Variants in ZNF385D observed in about 807,000 individuals in gnomAD.
ZNF385D encodes zinc finger protein 659.
ZNF385D carries 15 observed loss-of-function variants against 35.8 expected under a neutral mutation model. That is an observed-to-expected ratio of 0.42 (90% CI 0.28 to 0.64). The LOEUF (loss-of-function observed/expected upper bound fraction) is 0.64. ZNF385D is among the 30% of genes least tolerant of loss of function. The probability of loss-of-function intolerance (pLI) is 0.23; values close to 1 mark genes in which losing one functional copy is unlikely to be tolerated. For synonymous variants in ZNF385D, 212 were observed against 186.8 expected (o/e 1.13, Z -1.10); for missense variants, 474 against 494.6 (o/e 0.96, Z 0.39).
intron 2 of ZNF385D, among the ~76,000 whole-genome samples, chr3:22,315,207 C>A (rs1378171891): frequency 6.6e-6 from 1 of 152,172 alleles, no homozygotes; most frequent in East Asian, 1.9e-4. Context: ...GAAGCCACAG[C>A]ATCTTAGTAG....
At chr3:21,819,719 T>C (rs960136924) in intron 3 of ZNF385D, among the ~76,000 whole-genome samples, 4 of 146,334 alleles carry the variant, frequency 2.7e-5, no homozygotes, top group Non-Finnish European at 6.0e-5. Context: ...CGTATATATA[T>C]ACACATGTAC....
intron 3 of ZNF385D, among the ~76,000 whole-genome samples, chr3:21,814,953 T>G (rs181238848): frequency 6.6e-6 from 1 of 152,162 alleles, no homozygotes; most frequent in East Asian, 1.9e-4. Context: ...CCTCAGCAAA[T>G]GTAAAAAAAC....
chr3:22,223,517 A>G (rs1420180034), intron 2 of ZNF385D, among the ~76,000 whole-genome samples: 4 of 152,192 alleles, frequency 2.6e-5, no homozygotes, highest in African/African-American at 7.2e-5. Context: ...TAGTGAGTAC[A>G]TCATAGGATT....
intron 3 of ZNF385D, among the ~76,000 whole-genome samples, chr3:21,536,016 C>A (rs1183189427): frequency 9.2e-6 from 1 of 108,742 alleles, no homozygotes; most frequent in East Asian, 2.8e-4. Context: ...GGAGCTGGAT[C>A]TATTATGTTT....
intron 3 of ZNF385D, among the ~76,000 whole-genome samples, chr3:22,143,810 A>G (rs1245570909): frequency 2.6e-5 from 4 of 152,222 alleles, no homozygotes; most frequent in Non-Finnish European, 2.9e-5. Flanking sequence ...CTTCCAGCCC[A>G]GTAAAACTTT....
Position 22,011,789 on chromosome 3 carries a change from G to A in ZNF385D, c.325+157028C>T, listed in dbSNP as rs259449. Among the ~76,000 whole-genome samples, 3 of 152,126 alleles carry A rather than the reference G, an allele frequency of 2.0e-5. No individual in the cohort carries two copies. In the East Asian group the frequency reaches 5.8e-4, roughly 29 times the overall value. On this transcript the variant is annotated intron_variant, in intron 3 of 5. Transcript: ENST00000494108. ...ATACATAGTGAAATTGTATCTTACC[G>A]AAGATCACATTTTTGGTAAGCTGCA...
chr3:21,776,565 T>C (rs1343245349), intron 3 of ZNF385D, among the ~76,000 whole-genome samples: 1 of 151,990 alleles, frequency 6.6e-6, no homozygotes, highest in Non-Finnish European at 1.5e-5. Context: ...TGTGAATTTG[T>C]CTTCCTATCC....
chr3:22,009,326 T>C (rs1466285584), intron 3 of ZNF385D, among the ~76,000 whole-genome samples: 1 of 151,814 alleles, frequency 6.6e-6, no homozygotes, highest in Admixed American at 6.6e-5. Flanking sequence ...ATAAATATTT[T>C]TTAAAAAATA....
upstream of ZNF385D, among the ~76,000 whole-genome samples, chr3:21,754,613 C>CTT (rs559621553): frequency 7.1e-3 from 1,057 of 149,844 alleles, 6 homozygotes; most frequent in Non-Finnish European, 0.012. Flanking sequence ...AATTCACTGT[C>CTT]TTTTTTTTTT....
chr3:21,943,012 T>C (rs146345206), intron 3 of ZNF385D, among the ~76,000 whole-genome samples: 1 of 152,152 alleles, frequency 6.6e-6, no homozygotes, highest in Non-Finnish European at 1.5e-5. Context: ...AACTTATAAA[T>C]GTAATATTAC....
intron 2 of ZNF385D, among the ~76,000 whole-genome samples, chr3:21,615,148 G>A (rs1575325274): frequency 6.6e-6 from 1 of 152,214 alleles, no homozygotes. Flanking sequence ...GGTTGTGGCG[G>A]TGAATGCTTC....
intron 3 of ZNF385D, among the ~76,000 whole-genome samples, chr3:21,966,417 G>C (rs779050681): frequency 1.3e-5 from 2 of 152,172 alleles, no homozygotes; most frequent in African/African-American, 2.4e-5. Flanking sequence ...AGACGCATTT[G>C]TGGCTTTCAT....
At chr3:22,049,540 C>T (rs552290623) in intron 3 of ZNF385D, among the ~76,000 whole-genome samples, 3 of 152,006 alleles carry the variant, frequency 2.0e-5, no homozygotes, top group African/African-American at 7.2e-5. Flanking sequence ...CTAGCTACAA[C>T]TTCTAGTACT....
At chr3:21,518,415 T>G (rs1244528631) in intron 3 of ZNF385D, among the ~76,000 whole-genome samples, 2 of 152,186 alleles carry the variant, frequency 1.3e-5, no homozygotes, top group Admixed American at 6.6e-5. Flanking sequence ...CCAAGGTAAT[T>G]ATTGTCGCAG....
rs56827844 is a variant in ZNF385D, at chr3:21,428,933, C to CTTTT, written c.674-3267_674-3264dup. Among the ~76,000 whole-genome samples, 249 of 112,044 alleles carry CTTTT rather than the reference C, an allele frequency of 2.2e-3. 7 individuals carry two copies. The Middle Eastern group carries it at 0.047, about 21-fold the overall frequency. The allele number at this position is 112,044 out of a possible 152,430, so 73.5% of individuals were successfully genotyped here. On this transcript the variant is annotated intron_variant, in intron 5 of 7. Transcript: ENST00000281523. ...GCACGGCATAAGGCTCCAAGAAATCCTTTTTTTTTTTTGCTTTCTGCTTAA... is the reference window on the plus strand; with the variant it reads ...GCACGGCATAAGGCTCCAAGAAATCCTTTTTTTTTTTTTTTTGCTTTCTGCTTAA...
chr3:21,539,075 G>A lies in ZNF385D; in HGVS notation c.276+25499C>T, dbSNP rs774446539. ...AGATGAACTAGTTTTCAGCTAATAC[G>A]GAACAAAGGGAGTGGGTGCAGCAAA... On this transcript the variant is annotated intron_variant, in intron 3 of 7. Coordinates refer to ENST00000281523, the MANE Select transcript of ZNF385D (RefSeq NM_024697.3). The surrounding 1 kb of genome is among the most constrained non-coding windows in gnomAD (Gnocchi z 4.0). Among the ~76,000 whole-genome samples, 19 of 151,994 alleles carry A rather than the reference G, an allele frequency of 1.3e-4. No individual in the cohort carries two copies. Among genetic ancestry groups the A allele is most frequent in the South Asian group, 8.5e-4 (4 of 4,708 alleles).
At chr3:22,235,044 T>C (rs1392833599) in intron 2 of ZNF385D, among the ~76,000 whole-genome samples, 2 of 152,074 alleles carry the variant, frequency 1.3e-5, no homozygotes, top group Non-Finnish European at 2.9e-5. Flanking sequence ...GTGGAGCCAC[T>C]AAGGCACGAG....
intron 4 of ZNF385D, among the ~76,000 whole-genome samples, chr3:21,437,598 G>C (rs1183944168): frequency 6.8e-6 from 1 of 147,512 alleles, no homozygotes; most frequent in Non-Finnish European, 1.5e-5. Flanking sequence ...ATGCTTTTAA[G>C]ATACTTTGAT....
At chr3:22,183,865 A>AT (rs548511266) in intron 2 of ZNF385D, among the ~76,000 whole-genome samples, 18 of 150,750 alleles carry the variant, frequency 1.2e-4, no homozygotes, top group African/African-American at 4.1e-4. Context: ...TTTTCAACAA[A>AT]TTTTTTTTTG....
Sources: allele counts gnomAD v4.1 joint callset (sites outside exome capture counted in the v4.1 genomes callset), GRCh38; gene constraint gnomAD v4.1.1; non-coding constraint Gnocchi (gnomAD v3.1); transcripts MANE v1.5; gene names NCBI Gene and HGNC (gene_info 2026-07-23, HGNC 2026-07-21).